Variants in RPS6KC1 observed in about 807,000 individuals in gnomAD.
RPS6KC1 encodes inactive ribosomal protein S6 kinase delta-1.
RPS6KC1 carries 54 observed loss-of-function variants against 103.8 expected under a neutral mutation model. The observed-to-expected ratio is 0.52, with a 90% CI of 0.42 to 0.65. The LOEUF is 0.65. RPS6KC1 is among the 30% of genes least tolerant of loss of function. RPS6KC1 has a pLI of 0.00. For missense variants in RPS6KC1, 1,151 were observed against 1,253.8 expected (o/e 0.92, Z 1.24); for synonymous variants, 439 against 438.7 (o/e 1.00, Z -0.01).
chr1:213,536,743 A>C, the RPS6KC1 span, among the ~76,000 whole-genome samples: 2 of 152,216 alleles, frequency 1.3e-5, no homozygotes, highest in African/African-American at 4.8e-5. Context: ...CCTTTGCTCC[A>C]GTGCCCCCAA....
At chr1:213,467,089 G>A in the RPS6KC1 span, among the ~76,000 whole-genome samples, 2 of 151,520 alleles carry the variant, frequency 1.3e-5, no homozygotes, top group African/African-American at 4.9e-5. Flanking sequence ...ACTCCCTATT[G>A]GCAGCAGAAT....
At chr1:213,682,919 T>C in the RPS6KC1 span, among the ~76,000 whole-genome samples, 3 of 152,228 alleles carry the variant, frequency 2.0e-5, no homozygotes, top group Admixed American at 1.3e-4. Flanking sequence ...TACTGTTTTA[T>C]AACCCAATAT....
the RPS6KC1 span, among the ~76,000 whole-genome samples, chr1:213,477,505 A>G: frequency 6.6e-6 from 1 of 152,136 alleles, no homozygotes; most frequent in African/African-American, 2.4e-5. Flanking sequence ...TTATGATCCT[A>G]TCTTTGTGAA....
chr1:213,262,111 A>G (rs1021694829), intron 13 of RPS6KC1, among the ~76,000 whole-genome samples: 1 of 152,196 alleles, frequency 6.6e-6, no homozygotes, highest in Non-Finnish European at 1.5e-5. Context: ...GACAGAAATT[A>G]TACTCTCAGA....
intron 3 of RPS6KC1, among the ~76,000 whole-genome samples, chr1:213,092,230 A>G (rs187979793): frequency 6.6e-6 from 1 of 152,346 alleles, no homozygotes; most frequent in South Asian, 2.1e-4. Context: ...TAGAGAACAC[A>G]CGTACACACA....
At chr1:213,458,399 C>A in the RPS6KC1 span, among the ~76,000 whole-genome samples, 1 of 151,974 alleles carries the variant, frequency 6.6e-6, no homozygotes, top group Non-Finnish European at 1.5e-5. Flanking sequence ...TCCAGCCCAC[C>A]GTTGATGGAC....
At chr1:213,071,076 T>C (rs767639123) in intron 2 of RPS6KC1, 35 bp downstream of exon 2, 1 of 1,321,964 alleles carries the variant, frequency 7.6e-7, no homozygotes, top group Admixed American at 2.3e-5. Flanking sequence ...TTTATGTATT[T>C]GATAAAAATT....
At chr1:213,417,206 CT>C in the RPS6KC1 span, among the ~76,000 whole-genome samples, 69 of 152,270 alleles carry the variant, frequency 4.5e-4, no homozygotes, top group South Asian at 0.014. Flanking sequence ...TCCAGAGCTC[CT>C]TATACATTTG....
intron 12 of RPS6KC1, among the ~76,000 whole-genome samples, chr1:213,250,692 C>T (rs2149016361): frequency 6.6e-6 from 1 of 152,234 alleles, no homozygotes; most frequent in Non-Finnish European, 1.5e-5. Flanking sequence ...AGCTATTAAA[C>T]TTTGATGTTT....
chr1:213,143,422 T>G (rs2087321789), intron 6 of RPS6KC1, among the ~76,000 whole-genome samples: 1 of 152,026 alleles, frequency 6.6e-6, no homozygotes, highest in South Asian at 2.1e-4. Context: ...ACTTTTAACT[T>G]TTATTTTGCT....
chr1:213,642,872 G>A, the RPS6KC1 span, among the ~76,000 whole-genome samples: 3 of 151,814 alleles, frequency 2.0e-5, no homozygotes, highest in South Asian at 2.1e-4. Flanking sequence ...TGTGAATAAT[G>A]TATGGTAGGG....
At chr1:213,254,216 A>G (rs1349678268) in intron 12 of RPS6KC1, among the ~76,000 whole-genome samples, 1 of 152,228 alleles carries the variant, frequency 6.6e-6, no homozygotes, top group African/African-American at 2.4e-5. Context: ...TAGTTAGAAT[A>G]TCAGAATACT....
chr1:213,338,475 A>G, the RPS6KC1 span, among the ~76,000 whole-genome samples: 1 of 152,222 alleles, frequency 6.6e-6, no homozygotes. Flanking sequence ...GGAGTGAGCT[A>G]TGTATTAAAC....
chr1:213,648,213 T>C, the RPS6KC1 span, among the ~76,000 whole-genome samples: 2 of 152,146 alleles, frequency 1.3e-5, no homozygotes, highest in South Asian at 2.1e-4. Context: ...GTTAAAACTA[T>C]CCCACAGCAG....
the RPS6KC1 span, among the ~76,000 whole-genome samples, chr1:213,754,917 T>C: frequency 2.6e-5 from 4 of 152,312 alleles, no homozygotes; most frequent in South Asian, 6.2e-4. Context: ...TTTGACACAA[T>C]TGTAGATGAT....
chr1:213,265,764 T>C (rs1383396918), intron 14 of RPS6KC1, among the ~76,000 whole-genome samples: 2 of 152,204 alleles, frequency 1.3e-5, no homozygotes, highest in African/African-American at 4.8e-5. Context: ...TCTTTTGAAG[T>C]GTATGTTTCA....
chr1:213,104,082 T>A (rs1053265580), intron 3 of RPS6KC1, among the ~76,000 whole-genome samples: 1 of 152,214 alleles, frequency 6.6e-6, no homozygotes, highest in Non-Finnish European at 1.5e-5. Context: ...GGGAAAATTA[T>A]ATGAGTAATT....
At chr1:213,568,237 A>G in the RPS6KC1 span, among the ~76,000 whole-genome samples, 1 of 152,216 alleles carries the variant, frequency 6.6e-6, no homozygotes, top group Non-Finnish European at 1.5e-5. Context: ...TTCCTGGGAC[A>G]TGGGACTTTC....
At chr1:213,779,671 G>A in the RPS6KC1 span, among the ~76,000 whole-genome samples, 10 of 152,202 alleles carry the variant, frequency 6.6e-5, no homozygotes, top group African/African-American at 2.4e-4. Flanking sequence ...GGATCTGAAT[G>A]CGGATCCAGT....
Sources: allele counts gnomAD v4.1 joint callset (sites outside exome capture counted in the v4.1 genomes callset), GRCh38; gene constraint gnomAD v4.1.1; transcripts MANE v1.5; gene names NCBI Gene and HGNC (gene_info 2026-07-23, HGNC 2026-07-21).